Variants in BRCA2 observed in about 807,000 individuals in gnomAD.
BRCA2 encodes the protein BRCA2 DNA repair associated, also known as breast cancer type 2 susceptibility protein.
A neutral mutation model predicts 276.7 loss-of-function variants in BRCA2; 203 were observed. That is an observed-to-expected ratio of 0.73 (90% CI 0.65 to 0.82). BRCA2 has a LOEUF of 0.82. Ranked by LOEUF, BRCA2 falls within the 40% of genes least tolerant of loss-of-function variation. The pLI, the probability that BRCA2 is intolerant of heterozygous loss-of-function variation, is 0.00. For missense variants in BRCA2, 3,920 were observed against 3,915.0 expected, an observed-to-expected ratio of 1.00 and a Z score of -0.03; for synonymous variants, 1,289 against 1,338.4, an observed-to-expected ratio of 0.96 and a Z score of 0.81.
rs80358957 is a variant in BRCA2 at position 32,355,166 on chromosome 13, A to G, written c.7313A>G (p.Asp2438Gly). 1 of 1,613,464 alleles carries G rather than the reference A, an allele frequency of 6.2e-7. No homozygotes were observed. The highest frequency in any genetic ancestry group is 8.5e-7 in the Non-Finnish European group (1 of 1,179,712). The change falls in exon 14 of 27, where the codon GAT becomes GGT. Residue 2438 changes from aspartate (D) to glycine (G), a missense_variant. Transcript: ENST00000380152. ...LEENRQKQNI[D>G]GHGSDDSKNK... ...GAAAACAGACAAAAGCAAAACATTG[A>G]TGGACATGGCTCTGATGATAGTAAA...
intron 7 of BRCA2, among the ~76,000 whole-genome samples, chr13:32,328,322 A>G (rs1224542998): frequency 6.6e-6 from 1 of 151,716 alleles, no homozygotes; most frequent in East Asian, 1.9e-4. Context: ...GCTCACAGCA[A>G]CCTCTGCCTT....
At chr13:32,319,756 G>C (rs1032324253) in intron 3 of BRCA2, among the ~76,000 whole-genome samples, 2 of 152,158 alleles carry the variant, frequency 1.3e-5, no homozygotes, top group Non-Finnish European at 2.9e-5. Context: ...AAGCAATTAT[G>C]TAATAAGATT....
chr13:32,341,158 G>C lies in BRCA2; in HGVS notation c.6803G>C (p.Arg2268Thr), dbSNP rs80358906. The change falls in exon 11 of 27, where the codon AGA becomes ACA. Residue 2268 changes from arginine to threonine, a missense_variant. Physicochemically the swap from Arg to Thr is moderately conservative, Grantham distance 71. Coordinates refer to ENST00000380152, the MANE Select transcript of BRCA2 (RefSeq NM_000059.4). ...ENEEMVLSNS[R>T]IGKRRGEPLI... The stretch of plus-strand genomic sequence containing the variant: ...GAGGAAATGGTTTTGTCAAATTCAA[G>C]AATTGGAAAAAGAAGAGGAGAGCCC... 6.2e-7 allele frequency: 1 copy of C among 1,613,866 alleles called. No individual in the cohort carries two copies. Among genetic ancestry groups the C allele is most frequent in the Non-Finnish European group, 8.5e-7 (1 of 1,179,878 alleles).
At position 32,398,499 on chromosome 13, in the gene BRCA2, A is replaced by G. The variant is rs76635144; in HGVS notation, c.9986A>G (p.Asn3329Ser). 45 of 1,614,046 alleles carry G rather than the reference A, an allele frequency of 2.8e-5. No homozygotes were observed. The highest frequency in any genetic ancestry group is 5.3e-5 in the African/African-American group (4 of 74,920). ...CAGATGACTCCATTTAAAAAATTCAATGAAATTTCTCTTTTGGAAAGTAAT... is the reference window on the plus strand; with the variant it reads ...CAGATGACTCCATTTAAAAAATTCAGTGAAATTTCTCTTTTGGAAAGTAAT... ...SPQMTPFKKF[N>S]EISLLESNSI... The change falls in exon 27 of 27, where the codon AAT becomes AGT. Residue 3329 changes from asparagine (N) to serine (S), a missense_variant. Around this residue, in one of 2 missense-constraint regions of BRCA2, gnomAD observed 657 missense variants for 758.2 expected, o/e 0.87. Transcript: ENST00000380152.
chr13:32,344,705 T>C, intron 12 of BRCA2, 52 bp downstream of exon 12: 1 of 1,301,806 alleles, frequency 7.7e-7, no homozygotes. Flanking sequence ...GTATGGTATA[T>C]AATATTCTGA....
At chr13:32,351,486 A>G (rs1228652581) in intron 13 of BRCA2, among the ~76,000 whole-genome samples, 1 of 152,252 alleles carries the variant, frequency 6.6e-6, no homozygotes, top group African/African-American at 2.4e-5. Context: ...TCATTCTTGA[A>G]GTCAGCAAGA....
At chr13:32,334,415 C>T (rs1405067388) in intron 10 of BRCA2, among the ~76,000 whole-genome samples, 3 of 152,108 alleles carry the variant, frequency 2.0e-5, no homozygotes, top group Admixed American at 6.5e-5. Flanking sequence ...GTGGCTCATG[C>T]CTGTAATCTT....
rs398122717 is a variant in BRCA2 at position 32,379,737 on chromosome 13, T to C, written c.8954-13T>C. The C allele has an allele frequency of 6.2e-7, 1 of 1,607,650 alleles. No homozygotes were observed. The highest frequency in any genetic ancestry group is 1.1e-5 in the South Asian group (1 of 90,804). On this transcript the variant is annotated splice_polypyrimidine_tract_variant and intron_variant, in intron 22 of 26. Coordinates refer to ENST00000380152, the MANE Select transcript of BRCA2 (RefSeq NM_000059.4). ...CTTCTTCCATTGCATCTTTCTCATC[T>C]TTCTCCAAACAGTTATACTGAGTAT...
chr13:32,377,319 C>T (rs984111311), intron 21 of BRCA2, among the ~76,000 whole-genome samples: 12 of 152,232 alleles, frequency 7.9e-5, no homozygotes, highest in Admixed American at 2.0e-4. Flanking sequence ...TGGCCAGGCG[C>T]GGTGGCTCAC....
Position 32,332,392 on chromosome 13 carries a change from A to G in BRCA2, c.914A>G (p.Glu305Gly), listed in dbSNP as rs2137465805. Residue 305 changes from glutamate (E) to glycine (G), a missense_variant, in exon 10 of 27, where the codon GAA becomes GGA. By Grantham distance (98) the Glu-to-Gly change is moderately conservative. Coordinates refer to ENST00000380152, the MANE Select transcript of BRCA2 (RefSeq NM_000059.4). ...VYETVVDTSE[E>G]DSFSLCFSKC... Reference sequence around the variant, plus strand: ...GAAACAGTTGTAGATACCTCTGAAGAAGATAGTTTTTCATTATGTTTTTCT... The same window carrying G: ...GAAACAGTTGTAGATACCTCTGAAGGAGATAGTTTTTCATTATGTTTTTCT... 3.1e-6 allele frequency: 5 copies of G among 1,592,112 alleles called. No homozygotes were observed. Among genetic ancestry groups the G allele is most frequent in the Non-Finnish European group, 4.3e-6 (5 of 1,169,822 alleles).
chr13:32,373,481 G>A (rs2072849570), intron 20 of BRCA2, among the ~76,000 whole-genome samples: 1 of 151,732 alleles, frequency 6.6e-6, no homozygotes, highest in Admixed American at 6.6e-5. Flanking sequence ...ACTCTAGCCT[G>A]GGCAACAAAG....
intron 24 of BRCA2, among the ~76,000 whole-genome samples, chr13:32,383,188 G>A (rs546154929): frequency 2.7e-4 from 41 of 152,238 alleles, no homozygotes; most frequent in Non-Finnish European, 5.0e-4. Flanking sequence ...GTGAAACCCC[G>A]TCTCTACTAA....
intron 9 of BRCA2, among the ~76,000 whole-genome samples, 195 bp downstream of exon 9, chr13:32,331,225 T>C (rs1160652419): frequency 2.6e-5 from 4 of 152,112 alleles, no homozygotes; most frequent in Non-Finnish European, 5.9e-5. Flanking sequence ...CCAACTATTG[T>C]ATTTTTAGTA....
rs9534174 is a variant in BRCA2 at position 32,319,654 on chromosome 13, A to G, written c.316+329A>G. 0.54 allele frequency among the ~76,000 whole-genome samples: 82,821 copies of G among 152,070 alleles called. 22,558 individuals are homozygous for G. Among genetic ancestry groups the G allele is most frequent in the East Asian group, 0.58 (3,006 of 5,168 alleles). On this transcript the variant is annotated intron_variant, in intron 3 of 26. Transcript: ENST00000380152. ...AATTAAACTAAACTATATTTCTGCA[A>G]GCTATCACAGAGGACAGAGATTATT...
At position 32,337,168 on chromosome 13, in the gene BRCA2, C is replaced by A. The variant is rs55773834; in HGVS notation, c.2813C>A (p.Ala938Glu). The A allele has an allele frequency of 1.8e-5, 29 of 1,613,576 alleles. No homozygotes were observed. The African/African-American group carries it at 3.9e-4, about 22-fold the overall frequency. ...VLYGDTGDKQ[A>E]TQVSIKKDLV... ...TATGGAGACACAGGTGATAAACAAG[C>A]AACCCAAGTGTCAATTAAAAAAGAT... Residue 938 changes from alanine to glutamate, a missense_variant, in exon 11 of 27, where the codon GCA (alanine) becomes GAA (glutamate). By Grantham distance (107) the Ala-to-Glu change is moderately radical (BLOSUM62 -1). Around this residue, in one of 2 missense-constraint regions of BRCA2, gnomAD observed 3,263 missense variants for 3,156.9 expected, o/e 1.03. Transcript: ENST00000380152.
chr13:32,326,079 G>A (rs368499005), intron 4 of BRCA2, 22 bp from the exon 5 acceptor site: 2 of 1,598,000 alleles, frequency 1.3e-6, no homozygotes, highest in Admixed American at 1.7e-5. Context: ...TAACCTAAGG[G>A]ATTTGCTTTG....
chr13:32,335,910 C>T (rs1688967161), intron 10 of BRCA2, among the ~76,000 whole-genome samples: 1 of 152,038 alleles, frequency 6.6e-6, no homozygotes, highest in Admixed American at 6.6e-5. Context: ...TAGAGACTGT[C>T]TCATTCTGTT....
Position 32,397,082 on chromosome 13 carries a change from A to T in BRCA2, c.9648+38A>T, listed in dbSNP as rs749180461. On this transcript the variant is annotated intron_variant, in intron 26 of 26. Transcript: ENST00000380152. ...AAACTCAAGGAATATTATAAGAAGTATATATGGAGGCCATCGTATATTCTG... is the reference window on the plus strand; with the variant it reads ...AAACTCAAGGAATATTATAAGAAGTTTATATGGAGGCCATCGTATATTCTG... The T allele has an allele frequency of 2.8e-5, 45 of 1,593,914 alleles. No homozygotes were observed. The highest frequency in any genetic ancestry group is 3.3e-5 in the Non-Finnish European group (38 of 1,161,982).
intron 24 of BRCA2, chr13:32,385,200 G>A (rs756780228): frequency 1.0e-5 from 2 of 199,092 alleles, no homozygotes; most frequent in Non-Finnish European, 2.1e-5. Context: ...TCAACACTGG[G>A]TATGAAATCA....
Sources: allele counts gnomAD v4.1 joint callset (sites outside exome capture counted in the v4.1 genomes callset), GRCh38; gene constraint gnomAD v4.1.1; regional missense constraint gnomAD v4.1.1; transcripts MANE v1.5; gene names NCBI Gene and HGNC (gene_info 2026-07-23, HGNC 2026-07-21).